The following ARAP2 variants were observed in gnomAD, a reference collection of about 807,000 sequenced individuals.
ARAP2 encodes the protein arf-GAP with Rho-GAP domain, ANK repeat and PH domain-containing protein 2.
In ARAP2, 148 loss-of-function variants were observed where a neutral mutation model predicts 194.5. That is an observed-to-expected ratio of 0.76 (90% CI 0.67 to 0.87). The LOEUF is 0.87. Ranked by LOEUF, ARAP2 falls within the 40% of genes least tolerant of loss-of-function variation. ARAP2 has a pLI of 0.00. For missense variants in ARAP2, 2,128 were observed against 1,989.7 expected, an observed-to-expected ratio of 1.07 and a Z score of -1.32; for synonymous variants, 695 against 683.5, an observed-to-expected ratio of 1.02 and a Z score of -0.26.
chr4:36,214,799 T>C (rs1431539177), intron 2 of ARAP2, among the ~76,000 whole-genome samples: 1 of 152,212 alleles, frequency 6.6e-6, no homozygotes, highest in African/African-American at 2.4e-5. Flanking sequence ...TAAACATATT[T>C]TTCCAATGCT....
At chr4:36,107,468 G>T in intron 27 of ARAP2, 97 bp downstream of exon 27, 1 of 1,302,952 alleles carries the variant, frequency 7.7e-7, no homozygotes, top group Non-Finnish European at 1.0e-6. Context: ...CTAGCTACTC[G>T]TTTTTCACAT....
At chr4:36,137,378 G>A (rs1727099636) in intron 19 of ARAP2, among the ~76,000 whole-genome samples, 1 of 151,834 alleles carries the variant, frequency 6.6e-6, no homozygotes. Context: ...TTAGTACAAT[G>A]AGCAGAGAAT....
At chr4:36,240,965 T>C (rs1250899501) in intron 1 of ARAP2, among the ~76,000 whole-genome samples, 1 of 152,210 alleles carries the variant, frequency 6.6e-6, no homozygotes, top group Non-Finnish European at 1.5e-5. Flanking sequence ...AATAGTTAAA[T>C]GCTTGATAAT....
In ARAP2 at chr4:36,228,724, T is replaced by C; in HGVS notation, c.763A>G (p.Asn255Asp). 6.2e-7 allele frequency: 1 copy of C among 1,614,106 alleles called. No individual in the cohort carries two copies. Among genetic ancestry groups the C allele is most frequent in the Non-Finnish European group, 8.5e-7 (1 of 1,179,986 alleles). Reference sequence around the variant, plus strand: ...GGTGATGATGGAACATACAAGTCATTTACAATCATTTCTCCTTGAAACTTA... The same window carrying C: ...GGTGATGATGGAACATACAAGTCATCTACAATCATTTCTCCTTGAAACTTA... ...FFKFQGEMIV[N>D]DLYVPSSPIL... Residue 255 changes from asparagine (N) to aspartate (D), a missense_variant, in exon 2 of 33, where the codon AAT becomes GAT. Coordinates refer to ENST00000303965, the MANE Select transcript of ARAP2 (RefSeq NM_015230.4).
intron 27 of ARAP2, among the ~76,000 whole-genome samples, chr4:36,095,183 T>G (rs887811007): frequency 5.9e-5 from 9 of 152,164 alleles, no homozygotes; most frequent in Admixed American, 5.9e-4. Flanking sequence ...CCTTGCAGGG[T>G]GGAAGAAGAG....
At chr4:36,240,742 C>G (rs1485034935) in intron 1 of ARAP2, among the ~76,000 whole-genome samples, 3 of 152,100 alleles carry the variant, frequency 2.0e-5, no homozygotes, top group African/African-American at 7.2e-5. Context: ...TGGGCAAAAT[C>G]ATTTCATAGC....
At chr4:36,023,781 A>G (rs1036560977) in intron 5 of ARAP2, among the ~76,000 whole-genome samples, 20 of 152,200 alleles carry the variant, frequency 1.3e-4, no homozygotes, top group African/African-American at 4.8e-4. Context: ...GTGGGCATGA[A>G]TGCTGATGCG....
chr4:36,082,416 C>A, intron 29 of ARAP2, 130 bp from the exon 30 acceptor site: 7 of 911,242 alleles, frequency 7.7e-6, no homozygotes, highest in Non-Finnish European at 1.2e-5. Flanking sequence ...AGTGGTGATT[C>A]AATGTGTTGG....
intron 31 of ARAP2, among the ~76,000 whole-genome samples, chr4:36,076,594 C>A (rs184990552): frequency 6.6e-6 from 1 of 151,734 alleles, no homozygotes; most frequent in African/African-American, 2.4e-5. Context: ...TTCCTCCATT[C>A]TCTCTCTCTC....
chr4:36,220,286 C>A (rs975086514), intron 2 of ARAP2, among the ~76,000 whole-genome samples: 1 of 152,008 alleles, frequency 6.6e-6, no homozygotes, highest in Non-Finnish European at 1.5e-5. Context: ...CAATGACAGA[C>A]TGAACATATG....
chr4:36,233,960 A>AT (rs2109355493), intron 1 of ARAP2, among the ~76,000 whole-genome samples: 1 of 152,354 alleles, frequency 6.6e-6, no homozygotes, highest in Non-Finnish European at 1.5e-5. Flanking sequence ...GACTGATTTA[A>AT]CAAAATACGA....
At chr4:36,211,699 T>A (rs1459916455) in intron 5 of ARAP2, among the ~76,000 whole-genome samples, 1 of 152,090 alleles carries the variant, frequency 6.6e-6, no homozygotes, top group East Asian at 1.9e-4. Context: ...CACTAAAAAG[T>A]ATAATTAAAC....
chr4:36,037,591 G>A (rs150443708), intron 5 of ARAP2, among the ~76,000 whole-genome samples: 1,993 of 152,208 alleles, frequency 0.013, 20 homozygotes, highest in South Asian at 0.025. Flanking sequence ...TCCCCCATCA[G>A]AATAGTAACA....
In ARAP2 at chr4:36,177,458, G is replaced by A. The variant is rs186818512; in HGVS notation, c.1857+369C>T. On this transcript the variant is annotated intron_variant, in intron 9 of 32. Transcript: ENST00000303965. ...TTTTCTATCACAAAAAATAAAAGCA[G>A]CACAGGGTGCAGAACTGGTCCTATT... 3.3e-5 allele frequency among the ~76,000 whole-genome samples: 5 copies of A among 152,246 alleles called. No individual in the cohort carries two copies. The East Asian group carries it at 9.6e-4, about 29-fold the overall frequency.
At chr4:36,062,746 T>C (rs1307338703), downstream of ARAP2, among the ~76,000 whole-genome samples, 1 of 152,006 alleles carries the variant, frequency 6.6e-6, no homozygotes, top group African/African-American at 2.4e-5. Flanking sequence ...CTTTAACTCA[T>C]AAAAAGGGTT....
intron 27 of ARAP2, among the ~76,000 whole-genome samples, chr4:36,100,225 T>C (rs1716484942): frequency 6.6e-6 from 1 of 152,088 alleles, no homozygotes; most frequent in African/African-American, 2.4e-5. Flanking sequence ...GTAAAGCATT[T>C]AGCCCAGCGC....
chr4:36,170,197 T>C (rs1216473015), intron 9 of ARAP2, among the ~76,000 whole-genome samples: 2 of 152,218 alleles, frequency 1.3e-5, no homozygotes, highest in East Asian at 3.9e-4. Flanking sequence ...GGCTTTTATA[T>C]GTGGCCAACG....
intron 21 of ARAP2, among the ~76,000 whole-genome samples, chr4:36,126,903 T>C (rs893811452): frequency 6.6e-6 from 1 of 152,140 alleles, no homozygotes; most frequent in African/African-American, 2.4e-5. Flanking sequence ...AGTGGCACCA[T>C]CACAACTCAC....
chr4:36,129,505 G>A (rs569049923), intron 20 of ARAP2, among the ~76,000 whole-genome samples: 8 of 151,690 alleles, frequency 5.3e-5, no homozygotes, highest in Middle Eastern at 3.4e-3. Context: ...GATGCTTTTC[G>A]GTTTTTATCT....
Sources: gnomAD v4.1 joint callset for allele counts (sites outside exome capture counted in the v4.1 genomes callset) on GRCh38, gnomAD v4.1.1 for gene constraint, MANE v1.5 for transcripts, NCBI Gene and HGNC (gene_info 2026-07-23, HGNC 2026-07-21) for gene names.